The following ADGRB3 variants were observed in gnomAD, a reference collection of about 807,000 sequenced individuals.
ADGRB3 encodes adhesion G protein-coupled receptor B3, also known as brain-specific angiogenesis inhibitor 3.
ADGRB3 carries 37 observed loss-of-function variants against 193.4 expected under a neutral mutation model. The observed-to-expected ratio is 0.19, with a 90% CI of 0.15 to 0.25. ADGRB3 has a LOEUF of 0.25. ADGRB3 is among the 10% of genes least tolerant of loss of function. The pLI is 1.00. For missense variants in ADGRB3, 1,637 were observed against 1,852.9 expected (o/e 0.88, Z 2.14); for synonymous variants, 690 against 644.2 (o/e 1.07, Z -1.08).
chr6:69,244,327 T>A (rs1308829880), intron 20 of ADGRB3, among the ~76,000 whole-genome samples: 1 of 152,054 alleles, frequency 6.6e-6, no homozygotes, highest in Non-Finnish European at 1.5e-5. Context: ...ACTAGTAGGT[T>A]ATAGTCACTC....
chr6:68,649,320 T>C (rs1375015245), intron 3 of ADGRB3, among the ~76,000 whole-genome samples: 2 of 152,138 alleles, frequency 1.3e-5, no homozygotes, highest in Non-Finnish European at 2.9e-5. Flanking sequence ...ATAACTCTTT[T>C]GGAATACACA....
chr6:69,040,374 T>TTTCTTTCTTTCTTTCTTTCC (rs1413146590), intron 13 of ADGRB3, among the ~76,000 whole-genome samples: 13 of 51,430 alleles, frequency 2.5e-4, no homozygotes, highest in Admixed American at 7.4e-4. Context: ...TCTTTCTTTC[T>TTTCTTTCTTTCTTTCTTTCC]TTCCTTCTCT....
chr6:69,353,408 A>T (rs1769268530), intron 26 of ADGRB3, among the ~76,000 whole-genome samples: 1 of 152,224 alleles, frequency 6.6e-6, no homozygotes, highest in Non-Finnish European at 1.5e-5. Flanking sequence ...GTTTTAAATC[A>T]GGGCACATAG....
At chr6:69,076,677 G>A (rs922030794) in intron 17 of ADGRB3, among the ~76,000 whole-genome samples, 1 of 151,890 alleles carries the variant, frequency 6.6e-6, no homozygotes, top group Non-Finnish European at 1.5e-5. Context: ...ATGTCTCAAA[G>A]AGCAGGAAAA....
At chr6:69,184,065 T>G (rs973255831) in intron 17 of ADGRB3, among the ~76,000 whole-genome samples, 1 of 152,162 alleles carries the variant, frequency 6.6e-6, no homozygotes, top group Non-Finnish European at 1.5e-5. Context: ...TTAACTTTTA[T>G]AACTCAAATA....
chr6:69,005,572 C>T (rs757189012), intron 11 of ADGRB3, among the ~76,000 whole-genome samples: 18 of 151,976 alleles, frequency 1.2e-4, no homozygotes, highest in Non-Finnish European at 2.2e-4. Flanking sequence ...CTTTTGTGAC[C>T]ACGTGACTAT....
intron 20 of ADGRB3, among the ~76,000 whole-genome samples, chr6:69,272,323 A>T (rs1044475902): frequency 6.6e-6 from 1 of 152,194 alleles, no homozygotes; most frequent in African/African-American, 2.4e-5. Context: ...AGGTCAGCAG[A>T]TAATTAGAAT....
At chr6:68,847,761 T>C (rs1184922877) in intron 3 of ADGRB3, among the ~76,000 whole-genome samples, 1 of 152,142 alleles carries the variant, frequency 6.6e-6, no homozygotes, top group Admixed American at 6.6e-5. Context: ...AAAGTTATGT[T>C]GTTTTGTTGT....
At chr6:69,029,889 G>T (rs1198756830) in intron 13 of ADGRB3, among the ~76,000 whole-genome samples, 2 of 151,560 alleles carry the variant, frequency 1.3e-5, no homozygotes, top group Non-Finnish European at 2.9e-5. Flanking sequence ...CCATCAAAAA[G>T]TGGGCAAAGG....
intron 3 of ADGRB3, among the ~76,000 whole-genome samples, chr6:68,907,291 T>G (rs568248097): frequency 6.6e-6 from 1 of 151,972 alleles, no homozygotes; most frequent in African/African-American, 2.4e-5. Flanking sequence ...AATTATTAAT[T>G]CTACTGGTTT....
intron 17 of ADGRB3, among the ~76,000 whole-genome samples, chr6:69,217,400 T>A: frequency 6.6e-6 from 1 of 152,166 alleles, no homozygotes; most frequent in East Asian, 1.9e-4. Flanking sequence ...AAAAAAAAGA[T>A]TTTTATGATG....
intron 3 of ADGRB3, among the ~76,000 whole-genome samples, chr6:68,914,343 T>C (rs1259853443): frequency 6.6e-6 from 1 of 152,122 alleles, no homozygotes; most frequent in African/African-American, 2.4e-5. Context: ...ACAGCGGATC[T>C]CTCGGCAGAA....
chr6:69,250,244 G>T (rs1485848221), intron 20 of ADGRB3, among the ~76,000 whole-genome samples: 1 of 152,024 alleles, frequency 6.6e-6, no homozygotes, highest in Non-Finnish European at 1.5e-5. Context: ...TGTATTTTAA[G>T]GTGATTTTTC....
intron 20 of ADGRB3, among the ~76,000 whole-genome samples, chr6:69,288,814 G>T (rs1347784327): frequency 6.6e-6 from 1 of 152,020 alleles, no homozygotes; most frequent in African/African-American, 2.4e-5. Context: ...TCTCTGTGTG[G>T]AATGGTTGAA....
At chr6:69,353,217 A>T (rs375309983) in intron 26 of ADGRB3, among the ~76,000 whole-genome samples, 1 of 152,244 alleles carries the variant, frequency 6.6e-6, no homozygotes, top group Non-Finnish European at 1.5e-5. Flanking sequence ...TTGTTTTTTA[A>T]CAAAAGAATT....
In ADGRB3 at chr6:68,988,109, A is replaced by G. The variant is rs533934140; in HGVS notation, c.1735-5659A>G. On this transcript the variant is annotated intron_variant, in intron 10 of 31. Coordinates refer to ENST00000370598, the MANE Select transcript of ADGRB3 (RefSeq NM_001704.3). ...GTTCAATTCAGCAAGCCCTTTGAACAGGTACTTTTGTGTGTCACATAGCGT... is the reference window on the plus strand; with the variant it reads ...GTTCAATTCAGCAAGCCCTTTGAACGGGTACTTTTGTGTGTCACATAGCGT... Among the ~76,000 whole-genome samples the G allele has an allele frequency of 1.1e-4, 17 of 152,302 alleles. No homozygotes were observed. In the South Asian group the frequency reaches 3.5e-3, roughly 32 times the overall value.
chr6:69,054,316 A>T (rs1771483399), intron 15 of ADGRB3, among the ~76,000 whole-genome samples: 1 of 152,212 alleles, frequency 6.6e-6, no homozygotes. Context: ...AATTGAACTC[A>T]TTTGAATTCC....
At chr6:69,157,108 A>G (rs371012246) in intron 17 of ADGRB3, among the ~76,000 whole-genome samples, 2 of 152,314 alleles carry the variant, frequency 1.3e-5, no homozygotes, top group African/African-American at 4.8e-5. Flanking sequence ...CTGTGTGCAG[A>G]TTACTTAACC....
At chr6:69,277,246 G>A (rs1472443942) in intron 20 of ADGRB3, among the ~76,000 whole-genome samples, 1 of 152,012 alleles carries the variant, frequency 6.6e-6, no homozygotes, top group African/African-American at 2.4e-5. Context: ...GCCCACCTCA[G>A]CCTCCCAAAG....
Sources: gnomAD v4.1 joint callset for allele counts (sites outside exome capture counted in the v4.1 genomes callset) on GRCh38, gnomAD v4.1.1 for gene constraint, MANE v1.5 for transcripts, NCBI Gene and HGNC (gene_info 2026-07-23, HGNC 2026-07-21) for gene names.